Variants in SLC38A5 observed in about 807,000 individuals in gnomAD.
SLC38A5 encodes the protein sodium-coupled neutral amino acid transporter 5.
Under a neutral mutation model 34.6 loss-of-function variants are expected in SLC38A5, and 9 were observed. The observed-to-expected ratio is 0.26, with a 90% CI of 0.16 to 0.45. SLC38A5 has a LOEUF of 0.45. Among genes scored for constraint, SLC38A5 ranks in the 20% least tolerant of loss-of-function variants. The pLI is 1.00. For synonymous variants in SLC38A5, 157 were observed against 155.6 expected (o/e 1.01, Z -0.07); for missense variants, 253 against 394.7 (o/e 0.64, Z 3.04).
Position 48,458,798 on chromosome X carries a change from T to C in SLC38A5, c.*135A>G, listed in dbSNP as rs1875585345. 2.8e-6 allele frequency: 3 copies of C among 1,083,571 alleles called. No homozygotes were observed. The highest frequency in any genetic ancestry group is 2.4e-6 in the Non-Finnish European group (2 of 832,544). The allele number at this position is 1,083,571 out of a possible 1,213,427, so 89.3% of individuals were successfully genotyped here. A position where few individuals can be genotyped will look rare whatever the true frequency, so the allele number is the denominator to read the frequency against. ...GAGGGAAGTGGGCCAGTCTGCAGCC[T>C]CTGCTGTCCCCCGCCTCTGACAACC... On this transcript the variant is annotated 3_prime_UTR_variant, in exon 17 of 17. Transcript: ENST00000620913.
In SLC38A5 at chrX:48,458,658, GCCTCCT is replaced by G. The variant is rs782262041; in HGVS notation, c.*269_*274del. ...TGGGCAAAGGCTCCACCAGGACCTG[GCCTCCT>G]CCTCCTCCTCCTCCTCCTCCTCCTC... On this transcript the variant is annotated 3_prime_UTR_variant, in exon 17 of 17. Coordinates refer to ENST00000620913, the MANE Select transcript of SLC38A5 (RefSeq NM_033518.4). 1.1e-3 allele frequency: 840 copies of G among 784,720 alleles called. 4 individuals carry two copies. In the East Asian group the frequency reaches 0.016, roughly 15 times the overall value. 64.7% of individuals were successfully genotyped at this position (784,720 alleles called of 1,213,427 possible). A position where few individuals can be genotyped will look rare whatever the true frequency, so the allele number is the denominator to read the frequency against.
intron 8 of SLC38A5, among the ~76,000 whole-genome samples, chrX:48,464,072 C>A (rs2061459287): frequency 8.9e-6 from 1 of 111,872 alleles, no homozygotes; most frequent in African/African-American, 3.2e-5. Flanking sequence ...CACATGCATG[C>A]TTGTTTGAAC....
At chrX:48,466,201 A>G (rs782632337) in intron 7 of SLC38A5, 29 bp downstream of exon 7, 1 of 1,026,365 alleles carries the variant, frequency 9.7e-7, no homozygotes, top group Non-Finnish European at 1.3e-6. Flanking sequence ...TCTCCCCCCA[A>G]GCTGACCCCC....
At chrX:48,467,174 C>T (rs782316585) in intron 4 of SLC38A5, 97 bp from the exon 5 acceptor site, 42 of 721,178 alleles carry the variant, frequency 5.8e-5, no homozygotes, top group East Asian at 1.7e-4. Flanking sequence ...AAGAAGCAAG[C>T]GGGGTGGAGA....
intron 8 of SLC38A5, among the ~76,000 whole-genome samples, chrX:48,465,554 T>G (rs2061469814): frequency 9.0e-6 from 1 of 111,435 alleles, no homozygotes; most frequent in Non-Finnish European, 1.9e-5. Context: ...AGAATCAAGC[T>G]CAAACAATCA....
intron 8 of SLC38A5, among the ~76,000 whole-genome samples, chrX:48,463,340 C>T (rs192116858): frequency 1.8e-5 from 2 of 112,201 alleles, no homozygotes; most frequent in Non-Finnish European, 1.9e-5. Flanking sequence ...TGGTGGCTCA[C>T]GCCTGTAATC....
chrX:48,468,936 C>T, intron 2 of SLC38A5: 1 of 753,788 alleles, frequency 1.3e-6, no homozygotes, highest in Non-Finnish European at 1.6e-6. Context: ...AGCCTGGAGC[C>T]CCTGTCTTGT....
Position 48,459,529 on chromosome X carries a change from T to G in SLC38A5, c.1317+7A>C. ...CTCTCTCCCTAGCTCTGCCCTGGAA[T>G]GCTTACCTGGATCTTGGGCCAGGAT... On this transcript the variant is annotated splice_region_variant and intron_variant, in intron 16 of 16. Coordinates refer to ENST00000620913, the MANE Select transcript of SLC38A5 (RefSeq NM_033518.4). 1 of 1,103,443 alleles carries G rather than the reference T, an allele frequency of 9.1e-7. No homozygotes were observed. Among genetic ancestry groups the G allele is most frequent in the South Asian group, 2.5e-5 (1 of 39,930 alleles). 90.9% of individuals were successfully genotyped at this position (1,103,443 alleles called of 1,213,427 possible).
At chrX:48,468,340 G>C (rs2061494082) in intron 2 of SLC38A5, 13 of 781,790 alleles carry the variant, frequency 1.7e-5, no homozygotes, top group Non-Finnish European at 1.8e-5. Flanking sequence ...TTCATTCCCC[G>C]GTCCCCCGCG....
rs376504242 is a variant in SLC38A5 at position 48,461,998 on chromosome X, C to A, written c.771+9G>T. 8.7e-7 allele frequency: 1 copy of A among 1,150,224 alleles called. No individual in the cohort carries two copies. Among genetic ancestry groups the A allele is most frequent in the Non-Finnish European group, 1.2e-6 (1 of 864,611 alleles). The allele number at this position is 1,150,224 out of a possible 1,213,427, so 94.8% of individuals were successfully genotyped here. ...TGTGATGCAATCTCCTACATGCCTG[C>A]ACACACACCTGTGAGTCAACTGTGA... On this transcript the variant is annotated intron_variant, in intron 11 of 16. Transcript: ENST00000620913.
Position 48,462,962 on chromosome X carries a change from T to A in SLC38A5, c.510A>T (p.Gly170=). 8.3e-7 allele frequency: 1 copy of A among 1,206,927 alleles called. No homozygotes were observed. ...MDPEGDWFLK[G]NLLIIIVSVL... ...CACTGACGATGATGATGAGGAGGTT[T>A]CCCTTCAAGAACCAGTCCCTAGAGA... The change falls in exon 9 of 17, where the codon GGA becomes GGT. Residue 170 remains glycine, a synonymous_variant. Coordinates refer to ENST00000620913, the MANE Select transcript of SLC38A5 (RefSeq NM_033518.4).
intron 8 of SLC38A5, 122 bp from the exon 9 acceptor site, chrX:48,463,102 C>G (rs2061445782): frequency 1.9e-6 from 1 of 521,153 alleles, no homozygotes; most frequent in Non-Finnish European, 3.1e-6. Flanking sequence ...AAGCTGACAA[C>G]CTCAGCTTGA....
At chrX:48,467,222 AG>A in intron 4 of SLC38A5, 145 bp from the exon 5 acceptor site, 1 of 485,305 alleles carries the variant, frequency 2.1e-6, no homozygotes, top group South Asian at 3.2e-5. Context: ...GGAAGAGGCT[AG>A]CAGGGAAGAA....
rs183035377 is a variant in SLC38A5, at chrX:48,460,961, C to T, written c.952+25G>A. On this transcript the variant is annotated intron_variant, in intron 13 of 16. Coordinates refer to ENST00000620913, the MANE Select transcript of SLC38A5 (RefSeq NM_033518.4). Reference sequence around the variant, plus strand: ...CTGCCCCAGGCCTTCCCCCTCCCCCCAGCCCTAGCCCCAGCCCCACTCACT... The same window carrying T: ...CTGCCCCAGGCCTTCCCCCTCCCCCTAGCCCTAGCCCCAGCCCCACTCACT... The T allele has an allele frequency of 3.1e-4, 350 of 1,118,757 alleles. 1 individual carries two copies. The East Asian group carries it at 0.011, about 34-fold the overall frequency. The allele number at this position is 1,118,757 out of a possible 1,213,427, so 92.2% of individuals were successfully genotyped here.
intron 8 of SLC38A5, among the ~76,000 whole-genome samples, chrX:48,464,400 T>C (rs2147068248): frequency 8.9e-6 from 1 of 112,903 alleles, no homozygotes; most frequent in Non-Finnish European, 1.9e-5. Flanking sequence ...ACTATAATAA[T>C]GAGACATCTC....
Position 48,461,735 on chromosome X carries a change from G to T in SLC38A5, c.834C>A (p.Ile278=). 8.3e-7 allele frequency: 1 copy of T among 1,209,633 alleles called. No homozygotes were observed. The change falls in exon 12 of 17, where the codon ATC becomes ATA. Residue 278 remains isoleucine (I), a synonymous_variant. Coordinates refer to ENST00000620913, the MANE Select transcript of SLC38A5 (RefSeq NM_033518.4). ...CCACTCACCGGCAGAGCTCCGTATAGATGGGCAGCACCTCAGGGTGGCAGA... is the reference window on the plus strand; with the variant it reads ...CCACTCACCGGCAGAGCTCCGTATATATGGGCAGCACCTCAGGGTGGCAGA... ...AFVCHPEVLP[I]YTELCRPSKR... is the part of the protein sequence containing the mutation.
At chrX:48,464,205 G>A (rs1392264983) in intron 8 of SLC38A5, among the ~76,000 whole-genome samples, 1 of 112,705 alleles carries the variant, frequency 8.9e-6, no homozygotes, top group Non-Finnish European at 1.9e-5. Flanking sequence ...CAAGCTCTGA[G>A]AAAAGGTGGG....
At chrX:48,463,645 C>T (rs1352582654) in intron 8 of SLC38A5, among the ~76,000 whole-genome samples, 2 of 102,319 alleles carry the variant, frequency 2.0e-5, no homozygotes, top group Non-Finnish European at 4.0e-5. Context: ...GGTATGGTGG[C>T]GCGTGCCTGT....
intron 8 of SLC38A5, among the ~76,000 whole-genome samples, chrX:48,465,173 G>A (rs909191175): frequency 9.9e-5 from 11 of 111,555 alleles, no homozygotes; most frequent in Admixed American, 5.7e-4. Flanking sequence ...GAGTCCCATC[G>A]TGCACATGCC....
Sources: gnomAD v4.1 joint callset for allele counts (sites outside exome capture counted in the v4.1 genomes callset) on GRCh38, gnomAD v4.1.1 for gene constraint, MANE v1.5 for transcripts, NCBI Gene and HGNC (gene_info 2026-07-23, HGNC 2026-07-21) for gene names.